PRR7: variants seen among roughly 807,000 people sequenced by gnomAD.
PRR7 encodes the protein proline-rich protein 7.
A neutral mutation model predicts 18.5 loss-of-function variants in PRR7; 8 were observed. The ratio of observed to expected loss-of-function variants is 0.43; its 90% CI spans 0.25 to 0.78. PRR7 has a LOEUF of 0.78. Ranked by LOEUF, PRR7 falls within the 30% of genes least tolerant of loss-of-function variation. PRR7 has a pLI of 0.22. For missense variants in PRR7, 396 were observed against 403.1 expected (o/e 0.98, Z 0.15); for synonymous variants, 221 against 187.7 (o/e 1.18, Z -1.45).
Position 177,455,166 on chromosome 5 carries a change from C to T in PRR7, c.99C>T (p.Phe33=), listed in dbSNP as rs1300289261. The T allele has an allele frequency of 2.5e-6, 4 of 1,576,292 alleles. No homozygotes were observed. The Admixed American group carries it at 5.4e-5, about 21-fold the overall frequency. ...TCCTGCTCTGCTGCTTCTGCAGCTT[C>T]CTGCGCCGCCGCCTCAAACGGCGCC... The part of the protein sequence containing the change: ...LIVLLCCFCS[F]LRRRLKRRQE... The change falls in exon 3 of 4, where the codon TTC becomes TTT. Residue 33 remains phenylalanine, a synonymous_variant. Transcript: ENST00000323249. This position sits in a 1 kb window ranked among gnomAD's most constrained non-coding sequence, Gnocchi z 6.9.
chr5:177,455,201 G>T lies in PRR7; in HGVS notation c.134G>T (p.Arg45Leu). Residue 45 changes from arginine to leucine, a missense_variant, in exon 3 of 4, where the codon CGA (arginine) becomes CTA (leucine). By Grantham distance (102) the Arg-to-Leu change is moderately radical. Coordinates refer to ENST00000323249, the MANE Select transcript of PRR7 (RefSeq NM_030567.5). This position sits in a 1 kb window ranked among gnomAD's most constrained non-coding sequence, Gnocchi z 6.9. The part of the protein sequence containing the change: ...RRRLKRRQEE[R>L]LREQNLRALE... ...CGCCTCAAACGGCGCCAGGAGGAGC[G>T]ACTGCGCGAGCAGAACCTGCGCGCC... 6.4e-7 allele frequency: 1 copy of T among 1,570,926 alleles called. No homozygotes were observed.
Position 177,455,128 on chromosome 5 carries a change from T to C in PRR7, c.61T>C (p.Trp21Arg). 1 of 1,541,006 alleles carries C rather than the reference T, an allele frequency of 6.5e-7. No homozygotes were observed. The highest frequency in any genetic ancestry group is 8.7e-7 in the Non-Finnish European group (1 of 1,145,832). Residue 21 changes from tryptophan to arginine, a missense_variant, in exon 3 of 4, where the codon TGG (tryptophan) becomes CGG (arginine). By Grantham distance (101) the Trp-to-Arg change is moderately radical. Transcript: ENST00000323249. The surrounding 1 kb of genome is among the most constrained non-coding windows in gnomAD (Gnocchi z 6.9). ...GTGCTTCGCCGGCTTCTGGCTCATC[T>C]GGGGTCTCATCGTCCTGCTCTGCTG... ...LTCFAGFWLIWGLIVLLCCFC... is the reference protein window; with the variant it reads ...LTCFAGFWLIRGLIVLLCCFC...
At chr5:177,451,195 G>A (rs1310437573) in intron 1 of PRR7, among the ~76,000 whole-genome samples, 2 of 152,248 alleles carry the variant, frequency 1.3e-5, no homozygotes, top group South Asian at 2.1e-4. Flanking sequence ...AGGCTGAAGT[G>A]TGCACAGGGC....
In PRR7 at chr5:177,456,091, C is replaced by G. The variant is rs770169312; in HGVS notation, c.795C>G (p.Ile265Met). The change falls in exon 4 of 4, where the codon ATC becomes ATG. Residue 265 changes from isoleucine to methionine, a missense_variant. Transcript: ENST00000323249. ...EHGAWRLPVS[I>M]PLFGRTTAV ...GAGCTTGGCGTCTGCCGGTCTCCAT[C>G]CCCTTGTTCGGGAGGACTACAGCCG... 2 of 1,557,774 alleles carry G rather than the reference C, an allele frequency of 1.3e-6. No individual in the cohort carries two copies. The highest frequency in any genetic ancestry group is 1.7e-6 in the Non-Finnish European group (2 of 1,159,860).
Position 177,454,457 on chromosome 5 carries a change from G to A in PRR7, c.-239-372G>A, listed in dbSNP as rs1365194116. Among the ~76,000 whole-genome samples, 1 of 152,174 alleles carries A rather than the reference G, an allele frequency of 6.6e-6. No individual in the cohort carries two copies. Among genetic ancestry groups the A allele is most frequent in the Non-Finnish European group, 1.5e-5 (1 of 68,016 alleles). On this transcript the variant is annotated intron_variant, in intron 2 of 3. Coordinates refer to ENST00000323249, the MANE Select transcript of PRR7 (RefSeq NM_030567.5). This position sits in a 1 kb window ranked among gnomAD's most constrained non-coding sequence, Gnocchi z 4.7. ...CACCCTTTCCCCGCCGCACAGCAAC[G>A]GCGCCGAGACGCCTCTTCAGGGACC...
Position 177,455,572 on chromosome 5 carries a change from C to T in PRR7, c.427+78C>T, listed in dbSNP as rs769264681. 2.0e-5 allele frequency: 28 copies of T among 1,417,082 alleles called. No individual in the cohort carries two copies. The East Asian group carries it at 7.4e-4, about 38-fold the overall frequency. 87.8% of individuals were successfully genotyped at this position (1,417,082 alleles called of 1,614,324 possible). A position where few individuals can be genotyped will look rare whatever the true frequency, so the allele number is the denominator to read the frequency against. ...CGTTGGAGGGCTCGCTGCTTACCCT[C>T]AGGGCTTCCATCCGCAGCCTCCGGG... On this transcript the variant is annotated intron_variant, in intron 3 of 3. Coordinates refer to ENST00000323249, the MANE Select transcript of PRR7 (RefSeq NM_030567.5). This position sits in a 1 kb window ranked among gnomAD's most constrained non-coding sequence, Gnocchi z 6.9.
chr5:177,447,312 G>C (rs1755943807), intron 1 of PRR7, among the ~76,000 whole-genome samples: 1 of 152,148 alleles, frequency 6.6e-6, no homozygotes, highest in Non-Finnish European at 1.5e-5. Flanking sequence ...CAGGGGGAGA[G>C]GGGTGCGCGG....
Position 177,449,170 on chromosome 5 carries a change from G to A in PRR7, c.-325+2210G>A, listed in dbSNP as rs1220694491. Reference sequence around the variant, plus strand: ...GTTTTTAAAAATGGATTGTGAACATGGATTGTTTTTAAAACATGTCTGAGA... The same window carrying A: ...GTTTTTAAAAATGGATTGTGAACATAGATTGTTTTTAAAACATGTCTGAGA... On this transcript the variant is annotated intron_variant, in intron 1 of 3. Transcript: ENST00000323249. This position sits in a 1 kb window ranked among gnomAD's most constrained non-coding sequence, Gnocchi z 4.2. 2.0e-5 allele frequency among the ~76,000 whole-genome samples: 3 copies of A among 152,214 alleles called. No homozygotes were observed. The highest frequency in any genetic ancestry group is 7.2e-5 in the African/African-American group (3 of 41,460).
chr5:177,455,925 A>G lies in PRR7; in HGVS notation c.629A>G (p.Tyr210Cys), dbSNP rs1453306023. ...SYKPLFLDRG[Y>C]TSALHLPSAP... ...AAGCCGCTCTTCCTGGACCGGGGCT[A>G]CACCTCGGCGCTGCACCTGCCCAGC... The change falls in exon 4 of 4, where the codon TAC becomes TGC. Residue 210 changes from tyrosine (Y) to cysteine (C), a missense_variant. Coordinates refer to ENST00000323249, the MANE Select transcript of PRR7 (RefSeq NM_030567.5). This position sits in a 1 kb window ranked among gnomAD's most constrained non-coding sequence, Gnocchi z 6.9. The G allele has an allele frequency of 2.5e-6, 4 of 1,605,906 alleles. No individual in the cohort carries two copies. Among genetic ancestry groups the G allele is most frequent in the Non-Finnish European group, 3.4e-6 (4 of 1,178,514 alleles).
rs1303351477 is a variant in PRR7, at chr5:177,454,903, C to T, written c.-165C>T. 3.1e-6 allele frequency: 3 copies of T among 980,234 alleles called. No homozygotes were observed. The Admixed American group carries it at 1.3e-4, about 43-fold the overall frequency. 60.7% of individuals were successfully genotyped at this position (980,234 alleles called of 1,614,324 possible). A position where few individuals can be genotyped will look rare whatever the true frequency, so the allele number is the denominator to read the frequency against. ...GGGAAGGAGCGGGCGCCGCTGCTGT[C>T]CCCCGCCGGCGCGCGCACGACTTGA... On this transcript the variant is annotated 5_prime_UTR_variant, in exon 3 of 4. Coordinates refer to ENST00000323249, the MANE Select transcript of PRR7 (RefSeq NM_030567.5). This position sits in a 1 kb window ranked among gnomAD's most constrained non-coding sequence, Gnocchi z 4.7.
chr5:177,446,362 G>A (rs1462552286), upstream of PRR7: 1 of 152,406 alleles, frequency 6.6e-6, no homozygotes, highest in Non-Finnish European at 1.5e-5. The surrounding 1 kb of genome is among the most constrained non-coding windows in gnomAD (Gnocchi z 5.3). Flanking sequence ...GAGGGGTCGT[G>A]AGTTGGGAGG....
intron 1 of PRR7, among the ~76,000 whole-genome samples, chr5:177,447,254 T>A (rs926587822): frequency 6.6e-6 from 1 of 151,528 alleles, no homozygotes; most frequent in African/African-American, 2.4e-5. Context: ...CGACGCCCCC[T>A]CCCCCTCCCT....
chr5:177,454,760 G>T lies in PRR7; in HGVS notation c.-239-69G>T. 5.7e-6 allele frequency: 1 copy of T among 175,306 alleles called. No homozygotes were observed. The highest frequency in any genetic ancestry group is 1.2e-5 in the Non-Finnish European group (1 of 83,592). The allele number at this position is 175,306 out of a possible 1,614,324, so 10.9% of individuals were successfully genotyped here. ...AGGCTTTCCCCGGACTGCGCAGGGCGCGGGCGGGGGCCGGGAAGTCGTTGG... is the reference window on the plus strand; with the variant it reads ...AGGCTTTCCCCGGACTGCGCAGGGCTCGGGCGGGGGCCGGGAAGTCGTTGG... On this transcript the variant is annotated intron_variant, in intron 2 of 3. Transcript: ENST00000323249. The surrounding 1 kb of genome is among the most constrained non-coding windows in gnomAD (Gnocchi z 4.7).
In PRR7 at chr5:177,455,929, C is replaced by T. The variant is rs1419373763; in HGVS notation, c.633C>T (p.Thr211=). 1.2e-6 allele frequency: 2 copies of T among 1,604,802 alleles called. No individual in the cohort carries two copies. The highest frequency in any genetic ancestry group is 3.4e-5 in the Admixed American group (2 of 59,634). Residue 211 remains threonine, a synonymous_variant, in exon 4 of 4, where the codon ACC becomes ACT. Coordinates refer to ENST00000323249, the MANE Select transcript of PRR7 (RefSeq NM_030567.5). The surrounding 1 kb of genome is among the most constrained non-coding windows in gnomAD (Gnocchi z 6.9). ...CGCTCTTCCTGGACCGGGGCTACACCTCGGCGCTGCACCTGCCCAGCGCCC... is the reference window on the plus strand; with the variant it reads ...CGCTCTTCCTGGACCGGGGCTACACTTCGGCGCTGCACCTGCCCAGCGCCC... ...YKPLFLDRGY[T]SALHLPSAPR...
Position 177,451,704 on chromosome 5 carries a change from C to T in PRR7, c.-324-2252C>T, listed in dbSNP as rs1756174098. Reference sequence around the variant, plus strand: ...GCAGGGAGCACCCTGTAGCCTGCTTCGGAGAGTGACTGTGGTGCCCAGCCC... The same window carrying T: ...GCAGGGAGCACCCTGTAGCCTGCTTTGGAGAGTGACTGTGGTGCCCAGCCC... On this transcript the variant is annotated intron_variant, in intron 1 of 3. Coordinates refer to ENST00000323249, the MANE Select transcript of PRR7 (RefSeq NM_030567.5). 5.9e-5 allele frequency among the ~76,000 whole-genome samples: 5 copies of T among 85,122 alleles called. No homozygotes were observed. The South Asian group carries it at 1.5e-3, about 25-fold the overall frequency. The allele number at this position is 85,122 out of a possible 152,430, so 55.8% of individuals were successfully genotyped here.
In PRR7 at chr5:177,449,146, T is replaced by C. The variant is rs989223782; in HGVS notation, c.-325+2186T>C. Among the ~76,000 whole-genome samples, 3 of 152,082 alleles carry C rather than the reference T, an allele frequency of 2.0e-5. No individual in the cohort carries two copies. Among genetic ancestry groups the C allele is most frequent in the Non-Finnish European group, 4.4e-5 (3 of 67,916 alleles). On this transcript the variant is annotated intron_variant, in intron 1 of 3. Coordinates refer to ENST00000323249, the MANE Select transcript of PRR7 (RefSeq NM_030567.5). The surrounding 1 kb of genome is among the most constrained non-coding windows in gnomAD (Gnocchi z 4.2). ...TAAATGTTGGCAATTAATCAGAATG[T>C]TTTTAAAAATGGATTGTGAACATGG... is the stretch of plus-strand genomic sequence containing the variant.
In PRR7 at chr5:177,454,925, T is replaced by C; in HGVS notation, c.-143T>C. ...TGTCCCCCGCCGGCGCGCGCACGAC[T>C]TGAGACCTGCCACGGGCAGCCCCCG... is the stretch of plus-strand genomic sequence containing the variant. On this transcript the variant is annotated 5_prime_UTR_variant, in exon 3 of 4. Coordinates refer to ENST00000323249, the MANE Select transcript of PRR7 (RefSeq NM_030567.5). This position sits in a 1 kb window ranked among gnomAD's most constrained non-coding sequence, Gnocchi z 4.7. 1 of 1,175,140 alleles carries C rather than the reference T, an allele frequency of 8.5e-7. No homozygotes were observed. Among genetic ancestry groups the C allele is most frequent in the Non-Finnish European group, 1.1e-6 (1 of 928,358 alleles). 72.8% of individuals were successfully genotyped at this position (1,175,140 alleles called of 1,614,324 possible).
rs746026474 is a variant in PRR7 at position 177,455,954 on chromosome 5, C to T, written c.658C>T (p.Pro220Ser). Residue 220 changes from proline (P) to serine (S), a missense_variant, in exon 4 of 4, where the codon CCT (proline) becomes TCT (serine). This residue lies in a region of PRR7 where 383 missense variants were observed against 372.6 expected (regional missense o/e 1.03). Coordinates refer to ENST00000323249, the MANE Select transcript of PRR7 (RefSeq NM_030567.5). This position sits in a 1 kb window ranked among gnomAD's most constrained non-coding sequence, Gnocchi z 6.9. ...CTCGGCGCTGCACCTGCCCAGCGCCCCTCGGCCCGCGCCGCCCTGCCCAGC... is the reference window on the plus strand; with the variant it reads ...CTCGGCGCTGCACCTGCCCAGCGCCTCTCGGCCCGCGCCGCCCTGCCCAGC... ...YTSALHLPSA[P>S]RPAPPCPALC... 3 of 1,594,942 alleles carry T rather than the reference C, an allele frequency of 1.9e-6. No homozygotes were observed. Among genetic ancestry groups the T allele is most frequent in the African/African-American group, 1.3e-5 (1 of 74,496 alleles).
At chr5:177,453,923 C>CA (rs1315130419) in intron 1 of PRR7, 33 bp from the exon 2 acceptor site, 2 of 152,450 alleles carry the variant, frequency 1.3e-5, no homozygotes, top group African/African-American at 4.8e-5. Flanking sequence ...CCTTCACTCT[C>CA]AGAGTCAGGG....
Sources: allele counts gnomAD v4.1 joint callset (sites outside exome capture counted in the v4.1 genomes callset), GRCh38; gene constraint gnomAD v4.1.1; regional missense constraint gnomAD v4.1.1; non-coding constraint Gnocchi (gnomAD v3.1); transcripts MANE v1.5; gene names NCBI Gene and HGNC (gene_info 2026-07-23, HGNC 2026-07-21).